Variants in SLC30A6 observed in about 807,000 individuals in gnomAD.
SLC30A6 encodes the protein zinc transporter 6.
SLC30A6 carries 55 observed loss-of-function variants against 63.0 expected under a neutral mutation model. The ratio of observed to expected loss-of-function variants is 0.87; its 90% CI spans 0.70 to 1.09. The LOEUF is 1.09. Among genes scored for constraint, SLC30A6 ranks in the 50% least tolerant of loss-of-function variants. The pLI is 0.00. For synonymous variants in SLC30A6, 224 were observed against 186.1 expected, an observed-to-expected ratio of 1.20 and a Z score of -1.66; for missense variants, 587 against 549.2, an observed-to-expected ratio of 1.07 and a Z score of -0.69.
intron 11 of SLC30A6, among the ~76,000 whole-genome samples, chr2:32,205,635 AT>A (rs1363715478): frequency 8.9e-6 from 1 of 112,336 alleles, no homozygotes; most frequent in African/African-American, 3.4e-5. Flanking sequence ...AGCTATTATT[AT>A]TTTTCAAGTG....
intron 13 of SLC30A6, among the ~76,000 whole-genome samples, chr2:32,210,457 G>T (rs1233438235): frequency 7.0e-6 from 1 of 143,732 alleles, no homozygotes. Flanking sequence ...AGAGGTTGCA[G>T]TGAGCCGAGA....
chr2:32,198,042 A>G (rs1683953508), intron 10 of SLC30A6, among the ~76,000 whole-genome samples: 1 of 152,214 alleles, frequency 6.6e-6, no homozygotes, highest in Non-Finnish European at 1.5e-5. Flanking sequence ...AGACTGGAAA[A>G]CAATTTAAAT....
chr2:32,206,697 A>G (rs1684805656), intron 11 of SLC30A6, among the ~76,000 whole-genome samples, 189 bp from the exon 12 acceptor site: 1 of 152,174 alleles, frequency 6.6e-6, no homozygotes, highest in African/African-American at 2.4e-5. Flanking sequence ...ATAAAAAAAC[A>G]GGTGTGGGCC....
intron 1 of SLC30A6, among the ~76,000 whole-genome samples, chr2:32,168,796 A>G (rs893560802): frequency 2.0e-5 from 3 of 152,224 alleles, no homozygotes; most frequent in African/African-American, 2.4e-5. Context: ...GGAGTAAGAG[A>G]TAAGACTGGA....
intron 3 of SLC30A6, among the ~76,000 whole-genome samples, chr2:32,174,470 G>A (rs959018226): frequency 2.0e-5 from 3 of 151,724 alleles, no homozygotes; most frequent in Non-Finnish European, 4.4e-5. Context: ...TGGGATTACA[G>A]GCGTAAGCCA....
rs1395631915 is a variant in SLC30A6, at chr2:32,185,667, G to T, written c.284+1329G>T. On this transcript the variant is annotated intron_variant, in intron 5 of 13. Coordinates refer to ENST00000282587, the MANE Select transcript of SLC30A6 (RefSeq NM_017964.5). ...AACAAAAATTTTAATGCAAAATAAG[G>T]ATTTTCATAAATCAATCATAAATCA... Among the ~76,000 whole-genome samples, 3 of 151,900 alleles carry T rather than the reference G, an allele frequency of 2.0e-5. No individual in the cohort carries two copies. In the East Asian group the frequency reaches 5.8e-4, roughly 29 times the overall value.
chr2:32,173,375 C>CTTTT, intron 2 of SLC30A6, among the ~76,000 whole-genome samples: 1 of 141,308 alleles, frequency 7.1e-6, no homozygotes. Flanking sequence ...AAAGTCAGTA[C>CTTTT]TTTTTTTTTT....
chr2:32,171,200 A>G (rs1175075852), intron 1 of SLC30A6, 87 bp from the exon 2 acceptor site: 2 of 1,043,610 alleles, frequency 1.9e-6, no homozygotes, highest in Non-Finnish European at 2.9e-6. Context: ...TTGGTTATTT[A>G]TATCATAGGA....
In SLC30A6 at chr2:32,223,313, G is replaced by A. The variant is rs1686240077; in HGVS notation, c.*2600G>A. 6.6e-6 allele frequency: 1 copy of A among 152,204 alleles called. No individual in the cohort carries two copies. Among genetic ancestry groups the A allele is most frequent in the Admixed American group, 6.5e-5 (1 of 15,276 alleles). The allele number at this position is 152,204 out of a possible 1,614,324, so 9.4% of individuals were successfully genotyped here. On this transcript the variant is annotated 3_prime_UTR_variant, in exon 14 of 14. Coordinates refer to ENST00000282587, the MANE Select transcript of SLC30A6 (RefSeq NM_017964.5). ...TGTTTGTGATTAGGATGTAAGCTTT[G>A]TGGAATGTAATTAACCCTGCTTTAC... is the stretch of plus-strand genomic sequence containing the variant.
At chr2:32,216,629 A>C (rs978286008) in intron 13 of SLC30A6, among the ~76,000 whole-genome samples, 3 of 151,916 alleles carry the variant, frequency 2.0e-5, no homozygotes, top group African/African-American at 7.2e-5. Context: ...ATGGTATCTC[A>C]TTGTGGTTTT....
intron 13 of SLC30A6, among the ~76,000 whole-genome samples, chr2:32,212,894 A>ATTTTTTTTTTTTTTTTTTT (rs10522618): frequency 8.5e-6 from 1 of 118,244 alleles, no homozygotes; most frequent in African/African-American, 3.2e-5. Flanking sequence ...TGTGTCCAGC[A>ATTTTTTTTTTTTTTTTTTT]TTTTTTTTTT....
intron 1 of SLC30A6, among the ~76,000 whole-genome samples, chr2:32,168,134 T>A (rs1203637610): frequency 6.6e-6 from 1 of 152,164 alleles, no homozygotes; most frequent in Admixed American, 6.6e-5. Context: ...TAAGGTTTAT[T>A]TTAAAGGATA....
At chr2:32,192,815 TA>T in intron 6 of SLC30A6, 102 bp from the exon 7 acceptor site, 1 of 675,950 alleles carries the variant, frequency 1.5e-6, no homozygotes, top group Non-Finnish European at 2.3e-6. Context: ...GTTATAATAT[TA>T]AAAGATTTTG....
At chr2:32,193,797 C>A (rs1683543903) in intron 7 of SLC30A6, 92 bp from the exon 8 acceptor site, 3 of 971,458 alleles carry the variant, frequency 3.1e-6, no homozygotes, top group Non-Finnish European at 3.2e-6. Context: ...ACCACTTTAC[C>A]TTCCCACCTC....
chr2:32,188,690 A>G (rs1459615459), intron 5 of SLC30A6, among the ~76,000 whole-genome samples: 2 of 152,200 alleles, frequency 1.3e-5, no homozygotes, highest in African/African-American at 4.8e-5. Flanking sequence ...AATAAAAAAT[A>G]AAAAGCAAAT....
At chr2:32,210,026 G>T (rs1390184119) in intron 13 of SLC30A6, among the ~76,000 whole-genome samples, 1 of 152,072 alleles carries the variant, frequency 6.6e-6, no homozygotes, top group Non-Finnish European at 1.5e-5. Flanking sequence ...AACACAACTT[G>T]CTTCAGCATA....
chr2:32,174,329 T>C (rs1681512680), intron 3 of SLC30A6, among the ~76,000 whole-genome samples, 182 bp downstream of exon 3: 1 of 152,058 alleles, frequency 6.6e-6, no homozygotes, highest in South Asian at 2.1e-4. Flanking sequence ...TTGTTAGGAT[T>C]GTAATTTTTT....
chr2:32,167,298 C>T (rs920405311), intron 1 of SLC30A6, among the ~76,000 whole-genome samples: 1 of 151,810 alleles, frequency 6.6e-6, no homozygotes, highest in Non-Finnish European at 1.5e-5. Flanking sequence ...TGATCGCGAA[C>T]TCCTGACCTC....
intron 9 of SLC30A6, 90 bp from the exon 10 acceptor site, chr2:32,197,617 G>A: frequency 6.4e-7 from 1 of 1,564,126 alleles, no homozygotes; most frequent in Non-Finnish European, 8.7e-7. Flanking sequence ...ACACTATGTG[G>A]TACCAAAATA....
Sources: gnomAD v4.1 joint callset for allele counts (sites outside exome capture counted in the v4.1 genomes callset) on GRCh38, gnomAD v4.1.1 for gene constraint, MANE v1.5 for transcripts, NCBI Gene and HGNC (gene_info 2026-07-23, HGNC 2026-07-21) for gene names.